VWF: variants seen among roughly 807,000 people sequenced by gnomAD.
VWF encodes Factor VIII related antigen.
A neutral mutation model predicts 308.6 loss-of-function variants in VWF; 176 were observed. The ratio of observed to expected loss-of-function variants is 0.57; its 90% CI spans 0.50 to 0.65. The LOEUF is 0.65. VWF is among the 30% of genes least tolerant of loss of function. VWF has a pLI of 0.00. For synonymous variants in VWF, 1,385 were observed against 1,443.4 expected, an observed-to-expected ratio of 0.96 and a Z score of 0.92; for missense variants, 3,146 against 3,648.2, an observed-to-expected ratio of 0.86 and a Z score of 3.55.
intron 18 of VWF, among the ~76,000 whole-genome samples, chr12:6,037,317 C>T (rs216328): frequency 0.71 from 107,815 of 152,050 alleles, 38,537 homozygotes; most frequent in East Asian, 0.79. Context: ...ATGTACTTAA[C>T]ACTCTGGAGG....
At chr12:6,040,066 C>G (rs1944380418) in intron 18 of VWF, among the ~76,000 whole-genome samples, 1 of 152,146 alleles carries the variant, frequency 6.6e-6, no homozygotes, top group African/African-American at 2.4e-5. Context: ...TCAGTCTCCT[C>G]CCGTGTGATA....
intron 5 of VWF, among the ~76,000 whole-genome samples, chr12:6,101,605 T>C (rs1945162535): frequency 6.6e-6 from 1 of 151,674 alleles, no homozygotes; most frequent in Non-Finnish European, 1.5e-5. Context: ...TGAAACCCCG[T>C]CTCTATTAAA....
chr12:6,088,253 C>T (rs1217006581), intron 6 of VWF, among the ~76,000 whole-genome samples: 2 of 151,678 alleles, frequency 1.3e-5, no homozygotes, highest in African/African-American at 4.8e-5. Flanking sequence ...CCGAGGCGGG[C>T]AGATCATGAG....
At chr12:6,014,872 GT>G (rs770358870) in intron 31 of VWF, among the ~76,000 whole-genome samples, 1 of 152,206 alleles carries the variant, frequency 6.6e-6, no homozygotes, top group Non-Finnish European at 1.5e-5. Context: ...GCTTTGGACG[GT>G]TAAATGACTT....
chr12:6,065,042 A>AC lies in VWF; in HGVS notation c.1293+94_1293+95insG. ...AGACCTCCCTCATGCACAGAAAGCA[A>AC]TGCCCCACGCCTTCCAGGGACTGCC... On this transcript the variant is annotated intron_variant, in intron 11 of 51. Transcript: ENST00000261405. The AC allele has an allele frequency of 3.8e-6, 6 of 1,572,242 alleles. No homozygotes were observed. The South Asian group carries it at 6.9e-5, about 18-fold the overall frequency.
chr12:6,054,234 T>C (rs1444922273), intron 15 of VWF, among the ~76,000 whole-genome samples: 9 of 152,130 alleles, frequency 5.9e-5, no homozygotes, highest in Admixed American at 5.9e-4. Context: ...GAACTTGGTG[T>C]TTGAAGGTAG....
In VWF at chr12:6,024,858, A is replaced by G. The variant is rs1368757911; in HGVS notation, c.3222+722T>C. On this transcript the variant is annotated intron_variant, in intron 24 of 51. Transcript: ENST00000261405. The surrounding 1 kb of genome is among the most constrained non-coding windows in gnomAD (Gnocchi z 4.0). ...ACCAACATGGTGAAACCTTGACTCT[A>G]CTAAAAATACAAAAATTAGCTGGGC... is the stretch of plus-strand genomic sequence containing the variant. 2.6e-5 allele frequency among the ~76,000 whole-genome samples: 4 copies of G among 152,190 alleles called. No homozygotes were observed. Among genetic ancestry groups the G allele is most frequent in the South Asian group, 2.1e-4 (1 of 4,830 alleles).
At position 5,997,239 on chromosome 12, in the gene VWF, C is replaced by T. The variant is rs544207128; in HGVS notation, c.5843-1017G>A. On this transcript the variant is annotated intron_variant, in intron 34 of 51. Coordinates refer to ENST00000261405, the MANE Select transcript of VWF (RefSeq NM_000552.5). Reference sequence around the variant, plus strand: ...ATGTCCTTGAGCAGTCAGTCATTTCCAAGTGACAGTACTGAATACTACTGG... The same window carrying T: ...ATGTCCTTGAGCAGTCAGTCATTTCTAAGTGACAGTACTGAATACTACTGG... Among the ~76,000 whole-genome samples the T allele has an allele frequency of 2.9e-4, 44 of 152,292 alleles. 1 individual carries two copies. Among genetic ancestry groups the T allele is most frequent in the African/African-American group, 1.0e-3 (43 of 41,560 alleles).
chr12:6,045,478 G>A (rs993863849), intron 17 of VWF, among the ~76,000 whole-genome samples: 4 of 152,250 alleles, frequency 2.6e-5, no homozygotes, highest in African/African-American at 9.6e-5. Flanking sequence ...CTGAGAGGCA[G>A]AATGCAACAG....
Position 6,055,761 on chromosome 12 carries a change from TACACAC to T in VWF, c.1945+1090_1945+1095del, listed in dbSNP as rs35414262. ...TCTACTTTATATATATATATATGTA[TACACAC>T]ACACACACACACACACACACACACA... On this transcript the variant is annotated intron_variant, in intron 15 of 51. Coordinates refer to ENST00000261405, the MANE Select transcript of VWF (RefSeq NM_000552.5). 1.1e-3 allele frequency among the ~76,000 whole-genome samples: 154 copies of T among 135,348 alleles called. 1 individual carries two copies. The Middle Eastern group carries it at 0.015, about 14-fold the overall frequency. The allele number at this position is 135,348 out of a possible 152,430, so 88.8% of individuals were successfully genotyped here.
At chr12:5,970,150 A>C (rs1943455159) in intron 44 of VWF, among the ~76,000 whole-genome samples, 1 of 151,930 alleles carries the variant, frequency 6.6e-6, no homozygotes, top group Non-Finnish European at 1.5e-5. Flanking sequence ...CCTGTGGCCA[A>C]ATCTTCCCAC....
intron 26 of VWF, 131 bp from the exon 27 acceptor site, chr12:6,022,166 A>AGG (rs934436904): frequency 1.5e-4 from 188 of 1,268,248 alleles, no homozygotes; most frequent in Middle Eastern, 1.0e-3. Context: ...CTGCACTCCC[A>AGG]GGGGTCACCC....
Position 6,044,449 on chromosome 12 carries a change from T to C in VWF, c.2284A>G (p.Lys762Glu), listed in dbSNP as rs267607310. The C allele has an allele frequency of 1.2e-6, 2 of 1,614,090 alleles. No homozygotes were observed. Among genetic ancestry groups the C allele is most frequent in the Non-Finnish European group, 1.7e-6 (2 of 1,180,016 alleles). Residue 762 changes from lysine to glutamate, a missense_variant and splice_region_variant, in exon 18 of 52, where the codon AAA (lysine) becomes GAA (glutamate). By Grantham distance (56) the Lys-to-Glu change is moderately conservative (BLOSUM62 1). Coordinates refer to ENST00000261405, the MANE Select transcript of VWF (RefSeq NM_000552.5). ...VLSSPLSHRS[K>E]RSLSCRPPMV... ...GGGGGCCGACAGGATAGGCTCCTTT[T>C]GCCTCGAAGGTAGGAAAAGCAAAGA...
Position 6,071,308 on chromosome 12 carries a change from T to C in VWF, c.1145A>G (p.Glu382Gly). Residue 382 changes from glutamate (E) to glycine (G), a missense_variant, in exon 10 of 52, where the codon GAA becomes GGA. By Grantham distance (98) the Glu-to-Gly change is moderately conservative. Around this residue, in one of 3 missense-constraint regions of VWF, gnomAD observed 1,304 missense variants for 1,353.0 expected, o/e 0.96. Transcript: ENST00000261405. ...CRNSQWICSN[E>G]ECPGECLVTG... ...GGCAGGTCGCCTACCTGGACATTCT[T>C]CATTGCTGCAGATCCACTGGCTGTT... 1 of 1,614,156 alleles carries C rather than the reference T, an allele frequency of 6.2e-7. No individual in the cohort carries two copies. Among genetic ancestry groups the C allele is most frequent in the South Asian group, 1.1e-5 (1 of 91,034 alleles).
At chr12:6,092,614 T>TGAGAGTGAGAGTGAGAGTGAGAGAGA (rs1945053302) in intron 6 of VWF, among the ~76,000 whole-genome samples, 5 of 86,090 alleles carry the variant, frequency 5.8e-5, no homozygotes, top group African/African-American at 1.2e-4. Context: ...AGTGAGTGAG[T>TGAGAGTGAGAGTGAGAGTGAGAGAGA]GAGAGTGTGT....
chr12:6,123,266 C>G, intron 1 of VWF, 70 bp from the exon 2 acceptor site: 1 of 1,536,574 alleles, frequency 6.5e-7, no homozygotes, highest in South Asian at 1.1e-5. Flanking sequence ...TGGCGACTAT[C>G]AGGGCATGCA....
At chr12:5,981,270 T>C (rs1265617495) in intron 42 of VWF, among the ~76,000 whole-genome samples, 1 of 151,948 alleles carries the variant, frequency 6.6e-6, no homozygotes, top group Non-Finnish European at 1.5e-5. Context: ...GGTGTGCACT[T>C]GTAATCTCAC....
At chr12:6,027,849 T>TATACAC (rs1555195644) in intron 22 of VWF, among the ~76,000 whole-genome samples, 1 of 131,184 alleles carries the variant, frequency 7.6e-6, no homozygotes, top group Non-Finnish European at 1.7e-5. Context: ...GGAAGACACA[T>TATACAC]ACACACACAC....
At chr12:5,958,869 T>C (rs1231841001) in intron 47 of VWF, among the ~76,000 whole-genome samples, 1 of 152,168 alleles carries the variant, frequency 6.6e-6, no homozygotes, top group Non-Finnish European at 1.5e-5. Flanking sequence ...TGGTCCATTG[T>C]TGCCAAGCTT....
Sources: gnomAD v4.1 joint callset for allele counts (sites outside exome capture counted in the v4.1 genomes callset) on GRCh38, gnomAD v4.1.1 for gene constraint, gnomAD v4.1.1 regional missense constraint, Gnocchi (gnomAD v3.1) non-coding constraint, MANE v1.5 for transcripts, NCBI Gene and HGNC (gene_info 2026-07-23, HGNC 2026-07-21) for gene names.